ST6GALNAC5: variants seen among roughly 807,000 people sequenced by gnomAD.
ST6GALNAC5 encodes alpha-N-acetylgalactosaminide alpha-2,6-sialyltransferase 5.
ST6GALNAC5 carries 27 observed loss-of-function variants against 33.6 expected under a neutral mutation model. That is an observed-to-expected ratio of 0.80 (90% CI 0.59 to 1.11). The LOEUF (loss-of-function observed/expected upper bound fraction) is 1.11. ST6GALNAC5 is among the 50% of genes least tolerant of loss of function. The probability of loss-of-function intolerance (pLI) is 0.00; values close to 1 mark genes in which losing one functional copy is unlikely to be tolerated. For synonymous variants in ST6GALNAC5, 194 were observed against 171.2 expected (o/e 1.13, Z -1.04); for missense variants, 428 against 454.0 (o/e 0.94, Z 0.52).
rs751911412 is a variant in ST6GALNAC5 at position 76,867,683 on chromosome 1, C to A, written c.8C>A (p.Thr3Asn). 2 of 1,614,108 alleles carry A rather than the reference C, an allele frequency of 1.2e-6. No individual in the cohort carries two copies. Among genetic ancestry groups the A allele is most frequent in the Non-Finnish European group, 1.7e-6 (2 of 1,180,008 alleles). MK[T>N]LMRHGLAVCL... ...ACAAAAGAGGTGCCCAAAATGAAGA[C>A]CCTGATGGTGAGTCAGTTGTGGCAA... is the stretch of plus-strand genomic sequence containing the variant. The change falls in exon 1 of 5, where the codon ACC becomes AAC. Residue 3 changes from threonine to asparagine, a missense_variant. Physicochemically the swap from Thr to Asn is moderately conservative, Grantham distance 65 (BLOSUM62 0). Coordinates refer to ENST00000477717, the MANE Select transcript of ST6GALNAC5 (RefSeq NM_030965.3).
chr1:76,960,265 G>A (rs1310704102), intron 2 of ST6GALNAC5, among the ~76,000 whole-genome samples: 1 of 152,070 alleles, frequency 6.6e-6, no homozygotes, highest in East Asian at 1.9e-4. Flanking sequence ...TCACATGTCA[G>A]CAGGTTCCGT....
Position 77,065,490 on chromosome 1 carries a change from A to T in ST6GALNAC5, c.*2284A>T, listed in dbSNP as rs1490322052. The T allele has an allele frequency of 6.6e-6, 1 of 152,204 alleles. No homozygotes were observed. Among genetic ancestry groups the T allele is most frequent in the East Asian group, 1.9e-4 (1 of 5,206 alleles). The allele number at this position is 152,204 out of a possible 1,614,324, so 9.4% of individuals were successfully genotyped here. ...TGTTTTAAATCTACATGTAGCTAGG[A>T]TATGTGATTTCATATTTTTTAAAAA... On this transcript the variant is annotated 3_prime_UTR_variant, in exon 5 of 5. Coordinates refer to ENST00000477717, the MANE Select transcript of ST6GALNAC5 (RefSeq NM_030965.3).
At chr1:77,040,534 GAA>G (rs1393162882) in intron 2 of ST6GALNAC5, among the ~76,000 whole-genome samples, 9 of 151,516 alleles carry the variant, frequency 5.9e-5, no homozygotes, top group African/African-American at 2.2e-4. Flanking sequence ...GGCCTTCTCG[GAA>G]AGAGTGTTCA....
chr1:76,868,903 T>C lies in ST6GALNAC5; in HGVS notation c.261+161T>C. ...GTAGGGTGGGCTAGTTCCAACTTGG[T>C]ATGAATTCTTATTTGGAGAAAGACA... is the stretch of plus-strand genomic sequence containing the variant. On this transcript the variant is annotated intron_variant, in intron 2 of 4. Transcript: ENST00000477717. The surrounding 1 kb of genome is among the most constrained non-coding windows in gnomAD (Gnocchi z 4.3). 2 of 1,148,230 alleles carry C rather than the reference T, an allele frequency of 1.7e-6. No homozygotes were observed. Among genetic ancestry groups the C allele is most frequent in the Non-Finnish European group, 2.3e-6 (2 of 856,600 alleles). 71.1% of individuals were successfully genotyped at this position (1,148,230 alleles called of 1,614,324 possible). A position where few individuals can be genotyped will look rare whatever the true frequency, so the allele number is the denominator to read the frequency against.
intron 2 of ST6GALNAC5, among the ~76,000 whole-genome samples, chr1:77,009,516 G>C (rs560468297): frequency 6.6e-6 from 1 of 152,202 alleles, no homozygotes; most frequent in African/African-American, 2.4e-5. Context: ...GTAGGAGAGG[G>C]ATCCAAAGGG....
intron 2 of ST6GALNAC5, among the ~76,000 whole-genome samples, chr1:77,011,736 T>G (rs1557760319): frequency 6.6e-6 from 1 of 152,092 alleles, no homozygotes; most frequent in African/African-American, 2.4e-5. Context: ...ATACAGTAAC[T>G]GCATATAAGT....
intron 2 of ST6GALNAC5, among the ~76,000 whole-genome samples, chr1:77,038,653 T>G (rs1403549479): frequency 2.0e-5 from 3 of 152,216 alleles, no homozygotes. Context: ...TGGCCTATTC[T>G]CTTAAGGAAG....
chr1:76,971,139 G>T (rs896677763), intron 2 of ST6GALNAC5, among the ~76,000 whole-genome samples: 1 of 152,210 alleles, frequency 6.6e-6, no homozygotes, highest in South Asian at 2.1e-4. Flanking sequence ...GTTTTGTTTA[G>T]ATTTGTAGAT....
intron 2 of ST6GALNAC5, among the ~76,000 whole-genome samples, chr1:76,949,445 C>A: frequency 6.6e-6 from 1 of 152,242 alleles, no homozygotes; most frequent in Non-Finnish European, 1.5e-5. Flanking sequence ...AGCTGTAAAC[C>A]AGGACACCAG....
chr1:76,989,476 A>C (rs1649638736), intron 2 of ST6GALNAC5, among the ~76,000 whole-genome samples: 1 of 151,854 alleles, frequency 6.6e-6, no homozygotes, highest in South Asian at 2.1e-4. Context: ...CATAACTTTC[A>C]TTGGTATGGT....
At chr1:76,986,636 A>T (rs182076402) in intron 2 of ST6GALNAC5, among the ~76,000 whole-genome samples, 1 of 152,338 alleles carries the variant, frequency 6.6e-6, no homozygotes, top group African/African-American at 2.4e-5. Context: ...TAGAATTACC[A>T]TTTGACCCAG....
At chr1:76,980,891 C>T (rs183270048) in intron 2 of ST6GALNAC5, among the ~76,000 whole-genome samples, 44 of 152,126 alleles carry the variant, frequency 2.9e-4, no homozygotes, top group South Asian at 1.9e-3. Context: ...AAATTAAAAA[C>T]GTTTTTCCTT....
chr1:77,038,014 G>A (rs1030843424), intron 2 of ST6GALNAC5, among the ~76,000 whole-genome samples: 3 of 152,162 alleles, frequency 2.0e-5, no homozygotes, highest in Non-Finnish European at 2.9e-5. Flanking sequence ...ATGAAAAATG[G>A]GGCTCAGAAA....
intron 2 of ST6GALNAC5, among the ~76,000 whole-genome samples, chr1:76,932,007 T>A (rs1348215060): frequency 6.6e-6 from 1 of 152,092 alleles, no homozygotes; most frequent in African/African-American, 2.4e-5. Context: ...AGACCTGAGT[T>A]AATTGGATTT....
At position 76,996,989 on chromosome 1, in the gene ST6GALNAC5, G is replaced by T. The variant is rs116484940; in HGVS notation, c.262-47215G>T. Among the ~76,000 whole-genome samples, 1,036 of 152,270 alleles carry T rather than the reference G, an allele frequency of 6.8e-3. 6 individuals carry two copies. The highest frequency in any genetic ancestry group is 0.024 in the African/African-American group (991 of 41,554). On this transcript the variant is annotated intron_variant, in intron 2 of 4. Coordinates refer to ENST00000477717, the MANE Select transcript of ST6GALNAC5 (RefSeq NM_030965.3). ...ACAAGAAGAGTTCTCAGAAGGGTCA[G>T]TTTCAGGAACATCACATGAACCCCT...
rs1294521322 is a variant in ST6GALNAC5 at position 76,979,477 on chromosome 1, A to C, written c.262-64727A>C. Among the ~76,000 whole-genome samples, 3 of 152,248 alleles carry C rather than the reference A, an allele frequency of 2.0e-5. No homozygotes were observed. The East Asian group carries it at 5.8e-4, about 29-fold the overall frequency. On this transcript the variant is annotated intron_variant, in intron 2 of 4. Transcript: ENST00000477717. The stretch of plus-strand genomic sequence containing the variant: ...AGAGAACCCAGAAATAAATCTATGC[A>C]TTTACAACCAATTGATTTTCACAAA...
chr1:76,930,287 T>C (rs529098753), intron 2 of ST6GALNAC5, among the ~76,000 whole-genome samples: 300 of 152,294 alleles, frequency 2.0e-3, no homozygotes, highest in African/African-American at 6.9e-3. Context: ...TTTAGAACAG[T>C]ATCTGGCATA....
At chr1:76,983,497 C>T (rs1324196331) in intron 2 of ST6GALNAC5, among the ~76,000 whole-genome samples, 1 of 152,136 alleles carries the variant, frequency 6.6e-6, no homozygotes, top group Non-Finnish European at 1.5e-5. Flanking sequence ...AATACAAGAG[C>T]ACCCAGGTTC....
intron 2 of ST6GALNAC5, among the ~76,000 whole-genome samples, chr1:76,961,644 T>C (rs1250382587): frequency 6.6e-6 from 1 of 152,194 alleles, no homozygotes; most frequent in Non-Finnish European, 1.5e-5. Flanking sequence ...GGTGTTTGCA[T>C]ATGCCGTTCC....
Sources: gnomAD v4.1 joint callset for allele counts (sites outside exome capture counted in the v4.1 genomes callset) on GRCh38, gnomAD v4.1.1 for gene constraint, Gnocchi (gnomAD v3.1) non-coding constraint, MANE v1.5 for transcripts, NCBI Gene and HGNC (gene_info 2026-07-23, HGNC 2026-07-21) for gene names.